The following RBFOX1 variants were observed in gnomAD, a reference collection of about 807,000 sequenced individuals.
RBFOX1 encodes the protein RNA binding fox-1 homolog 1, also known as RNA binding protein fox-1 homolog 1.
In RBFOX1, 8 loss-of-function variants were observed where a neutral mutation model predicts 57.7. The observed-to-expected ratio is 0.14, with a 90% confidence interval of 0.08 to 0.25. The LOEUF (loss-of-function observed/expected upper bound fraction) is 0.25. Ranked by LOEUF, RBFOX1 falls within the 10% of genes least tolerant of loss-of-function variation. The pLI is 1.00. For missense variants in RBFOX1, 611 were observed against 548.5 expected (o/e 1.11, Z -1.14); for synonymous variants, 326 against 222.4 (o/e 1.47, Z -4.15).
At chr16:6,391,707 A>G (rs774347071) in intron 2 of RBFOX1, among the ~76,000 whole-genome samples, 4 of 152,146 alleles carry the variant, frequency 2.6e-5, no homozygotes, top group African/African-American at 4.8e-5. Flanking sequence ...TATGATTTGG[A>G]TAAAGTTGAC....
At chr16:6,717,452 G>A (rs754270213) in intron 3 of RBFOX1, among the ~76,000 whole-genome samples, 9 of 152,084 alleles carry the variant, frequency 5.9e-5, no homozygotes, top group Non-Finnish European at 8.8e-5. Flanking sequence ...TGCATGACAC[G>A]TTTTGGCACT....
chr16:6,975,399 G>T (rs2086608172), intron 3 of RBFOX1, among the ~76,000 whole-genome samples: 1 of 152,034 alleles, frequency 6.6e-6, no homozygotes, highest in Non-Finnish European at 1.5e-5. Context: ...CCAAGTAGCT[G>T]GCGTTACAGG....
chr16:7,409,546 T>C (rs756276828), intron 4 of RBFOX1, among the ~76,000 whole-genome samples: 5 of 152,196 alleles, frequency 3.3e-5, no homozygotes, highest in Non-Finnish European at 5.9e-5. Context: ...TTTTGCACTA[T>C]CCTAAGCAGT....
In RBFOX1 at chr16:6,808,480, C is replaced by T. The variant is rs2087525352; in HGVS notation, c.-16+153830C>T. 2.0e-5 allele frequency among the ~76,000 whole-genome samples: 3 copies of T among 152,046 alleles called. No individual in the cohort carries two copies. In the South Asian group the frequency reaches 6.2e-4, roughly 32 times the overall value. On this transcript the variant is annotated intron_variant, in intron 3 of 15. Transcript: ENST00000550418. ...CACCCCTTGCTTCCCCAGTGAATAG[C>T]TCTCAGATGGAAAATAAAACAGCAC...
intron 3 of RBFOX1, among the ~76,000 whole-genome samples, chr16:7,025,525 G>A (rs1597344029): frequency 6.6e-6 from 1 of 152,128 alleles, no homozygotes; most frequent in East Asian, 1.9e-4. Flanking sequence ...GAGTTGCTCT[G>A]GTTCAAACAC....
chr16:6,836,902 C>T (rs979808326), intron 3 of RBFOX1, among the ~76,000 whole-genome samples: 1 of 152,058 alleles, frequency 6.6e-6, no homozygotes, highest in Admixed American at 6.6e-5. Flanking sequence ...ATTGAATCAG[C>T]GTTGCCAAGC....
intron 4 of RBFOX1, among the ~76,000 whole-genome samples, chr16:7,115,418 C>T (rs1240943012): frequency 6.6e-6 from 1 of 152,154 alleles, no homozygotes; most frequent in African/African-American, 2.4e-5. Flanking sequence ...GCCTTAGTTA[C>T]CTATTGCTAT....
chr16:5,276,172 A>G (rs2063136341), intron 1 of RBFOX1, among the ~76,000 whole-genome samples: 1 of 152,250 alleles, frequency 6.6e-6, no homozygotes, highest in Non-Finnish European at 1.5e-5. Flanking sequence ...ATGAAAACAA[A>G]GATAAATAGA....
At chr16:6,172,434 G>A (rs2096968213) in intron 1 of RBFOX1, among the ~76,000 whole-genome samples, 1 of 152,146 alleles carries the variant, frequency 6.6e-6, no homozygotes, top group African/African-American at 2.4e-5. Flanking sequence ...CTTGGTGTCT[G>A]GAGAGCAGAA....
intron 2 of RBFOX1, among the ~76,000 whole-genome samples, chr16:5,480,600 C>T (rs1025221448): frequency 6.6e-6 from 1 of 152,228 alleles, no homozygotes; most frequent in Non-Finnish European, 1.5e-5. Flanking sequence ...CAATGGCTTT[C>T]TTAATTCTTT....
intron 2 of RBFOX1, among the ~76,000 whole-genome samples, chr16:6,338,772 C>A (rs1194524352): frequency 6.6e-6 from 1 of 152,142 alleles, no homozygotes; most frequent in East Asian, 1.9e-4. Context: ...ACCAGGTGAC[C>A]ATTATTATGT....
chr16:5,918,306 G>GTACAAA lies in RBFOX1; in HGVS notation c.351+50971_351+50972insTACAAA, dbSNP rs1303826938. On this transcript the variant is annotated intron_variant, in intron 4 of 19. Coordinates refer to the RBFOX1 transcript ENST00000641259. The stretch of plus-strand genomic sequence containing the variant: ...GGCTAATTTTTGTATTTTTAGTACA[G>GTACAAA]ACGGGGTTTCACCATGTTGGCCAGG... 5.3e-5 allele frequency among the ~76,000 whole-genome samples: 8 copies of GTACAAA among 152,288 alleles called. No homozygotes were observed. In the East Asian group the frequency reaches 1.5e-3, roughly 29 times the overall value.
In RBFOX1 at chr16:7,653,992, C is replaced by T; in HGVS notation, c.890+45C>T. The T allele has an allele frequency of 2.1e-6, 3 of 1,449,596 alleles. No homozygotes were observed. The South Asian group carries it at 4.3e-5, about 21-fold the overall frequency. The allele number at this position is 1,449,596 out of a possible 1,614,324, so 89.8% of individuals were successfully genotyped here. On this transcript the variant is annotated intron_variant, in intron 12 of 15. Transcript: ENST00000550418. ...GGGTGGGCCTCCCTGCACCAGCCCT[C>T]CCTCCCCAGAGGCACGGAGCTGTTT...
intron 4 of RBFOX1, among the ~76,000 whole-genome samples, chr16:7,168,164 A>C (rs546438467): frequency 6.6e-6 from 1 of 152,314 alleles, no homozygotes; most frequent in African/African-American, 2.4e-5. Flanking sequence ...TTCACTTATC[A>C]ATGATGGCTT....
chr16:6,740,906 G>C (rs891985566), intron 3 of RBFOX1, among the ~76,000 whole-genome samples: 5 of 152,270 alleles, frequency 3.3e-5, no homozygotes, highest in African/African-American at 1.2e-4. Context: ...AGAAACTAGA[G>C]TTGTTAACAC....
rs535834192 is a variant in RBFOX1, at chr16:7,526,116, C to G, written c.270+7727C>G. On this transcript the variant is annotated intron_variant, in intron 5 of 15. Transcript: ENST00000550418. ...AGAGAAGCGTGAACCCTATTGTGAA[C>G]TGTACATGCGAGGGATCTAGATTGT... 5.9e-5 allele frequency among the ~76,000 whole-genome samples: 9 copies of G among 152,280 alleles called. No individual in the cohort carries two copies. In the East Asian group the frequency reaches 1.5e-3, roughly 26 times the overall value.
chr16:7,273,700 A>T (rs1241161327), intron 4 of RBFOX1, among the ~76,000 whole-genome samples: 2 of 152,222 alleles, frequency 1.3e-5, no homozygotes, highest in Admixed American at 1.3e-4. Context: ...CCTTATTTTT[A>T]AATACAGGAC....
intron 3 of RBFOX1, among the ~76,000 whole-genome samples, chr16:5,775,357 A>T (rs2054111943): frequency 6.6e-6 from 1 of 152,154 alleles, no homozygotes; most frequent in Admixed American, 6.5e-5. Flanking sequence ...ATACCTGGGA[A>T]TTTCTTATAG....
intron 3 of RBFOX1, among the ~76,000 whole-genome samples, chr16:6,934,946 G>C (rs2077127739): frequency 6.6e-6 from 1 of 152,010 alleles, no homozygotes; most frequent in Admixed American, 6.6e-5. Context: ...AAATTAGCTT[G>C]GCCTGGTGGC....
Sources: gnomAD v4.1 joint callset for allele counts (sites outside exome capture counted in the v4.1 genomes callset) on GRCh38, gnomAD v4.1.1 for gene constraint, MANE v1.5 for transcripts, NCBI Gene and HGNC (gene_info 2026-07-23, HGNC 2026-07-21) for gene names.